The following SEC14L1 variants were observed in gnomAD, a reference collection of about 807,000 sequenced individuals.
SEC14L1 encodes SEC14-like protein 1.
A neutral mutation model predicts 85.3 loss-of-function variants in SEC14L1; 48 were observed. That is an observed-to-expected ratio of 0.56 (90% CI 0.45 to 0.72). The LOEUF is 0.72. SEC14L1 is among the 30% of genes least tolerant of loss of function. The pLI is 0.00. For synonymous variants in SEC14L1, 391 were observed against 355.5 expected, an observed-to-expected ratio of 1.10 and a Z score of -1.12; for missense variants, 682 against 921.4, an observed-to-expected ratio of 0.74 and a Z score of 3.36.
rs569424967 is a variant in SEC14L1, at chr17:77,184,119, C to T, written c.64-6684C>T. ...CCATGATTAGCTAAGGGTCAGCCAT[C>T]TTTGTCCTGAGGGCCGCAGAAGCCT... On this transcript the variant is annotated intron_variant, in intron 3 of 16. Coordinates refer to ENST00000436233, the MANE Select transcript of SEC14L1 (RefSeq NM_001143998.2). Among the ~76,000 whole-genome samples, 4 of 152,262 alleles carry T rather than the reference C, an allele frequency of 2.6e-5. No homozygotes were observed. In the South Asian group the frequency reaches 6.2e-4, roughly 24 times the overall value.
chr17:77,209,587 CTCTTTG>C, intron 14 of SEC14L1, 111 bp downstream of exon 14: 1 of 1,179,406 alleles, frequency 8.5e-7, no homozygotes, highest in Non-Finnish European at 1.2e-6. Context: ...CGTTTTTCTG[CTCTTTG>C]TCTTTAGGCT....
intron 3 of SEC14L1, chr17:77,152,720 A>G (rs922710002): frequency 6.6e-6 from 1 of 152,198 alleles, no homozygotes; most frequent in African/African-American, 2.4e-5. Flanking sequence ...ATCCCACCTA[A>G]CAAAAGTACT....
At chr17:77,153,110 C>T (rs1378537455) in intron 3 of SEC14L1, among the ~76,000 whole-genome samples, 1 of 152,194 alleles carries the variant, frequency 6.6e-6, no homozygotes, top group Non-Finnish European at 1.5e-5. Flanking sequence ...ACTCGTCACC[C>T]AGGCTGGAGT....
At chr17:77,152,200 T>A (rs530892533) in intron 3 of SEC14L1, among the ~76,000 whole-genome samples, 116 of 152,256 alleles carry the variant, frequency 7.6e-4, no homozygotes, top group Middle Eastern at 6.8e-3. Flanking sequence ...GGCAGACTTT[T>A]TTTTAAACCA....
At chr17:77,196,394 T>A in intron 8 of SEC14L1, 83 bp downstream of exon 8, 3 of 789,590 alleles carry the variant, frequency 3.8e-6, no homozygotes, top group Non-Finnish European at 6.2e-6. Context: ...TCACCAAGAG[T>A]GATATTCCCA....
At chr17:77,170,703 G>A (rs899191725) in intron 3 of SEC14L1, among the ~76,000 whole-genome samples, 10 of 152,128 alleles carry the variant, frequency 6.6e-5, no homozygotes, top group Non-Finnish European at 1.0e-4. Flanking sequence ...CGAGGTAGCT[G>A]GGTTTTTAAA....
At chr17:77,116,492 C>T (rs1190063994) in intron 3 of SEC14L1, among the ~76,000 whole-genome samples, 1 of 152,036 alleles carries the variant, frequency 6.6e-6, no homozygotes, top group African/African-American at 2.4e-5. Flanking sequence ...AAAGACCTTC[C>T]AGTTGGAAGA....
intron 13 of SEC14L1, among the ~76,000 whole-genome samples, chr17:77,207,483 G>A (rs904012922): frequency 6.6e-6 from 1 of 151,488 alleles, no homozygotes; most frequent in South Asian, 2.1e-4. Context: ...ATGGAGTCTT[G>A]CTCTGTTGCA....
intron 3 of SEC14L1, among the ~76,000 whole-genome samples, chr17:77,147,094 G>A (rs1351576146): frequency 6.6e-6 from 1 of 152,240 alleles, no homozygotes; most frequent in Non-Finnish European, 1.5e-5. Flanking sequence ...GGTGGCGGCA[G>A]GAGTGGCCGG....
rs528850454 is a variant in SEC14L1 at position 77,206,454 on chromosome 17, A to T, written c.1341+54A>T. 2 of 1,565,582 alleles carry T rather than the reference A, an allele frequency of 1.3e-6. No individual in the cohort carries two copies. The highest frequency in any genetic ancestry group is 2.3e-5 in the South Asian group (2 of 88,328). On this transcript the variant is annotated intron_variant, in intron 12 of 16. Coordinates refer to ENST00000436233, the MANE Select transcript of SEC14L1 (RefSeq NM_001143998.2). The surrounding 1 kb of genome is among the most constrained non-coding windows in gnomAD (Gnocchi z 4.3). ...GTGAGCCATTTGGAAAGCAGATAAC[A>T]TGCATTCATATACACGTGTCTGTGA...
At chr17:77,191,594 G>GTGC (rs1462299912) in intron 5 of SEC14L1, among the ~76,000 whole-genome samples, 1 of 152,036 alleles carries the variant, frequency 6.6e-6, no homozygotes, top group African/African-American at 2.4e-5. Flanking sequence ...CCAGGCCGGA[G>GTGC]TGCAGTGGTG....
chr17:77,190,526 A>C (rs1975474934), intron 3 of SEC14L1, among the ~76,000 whole-genome samples: 1 of 152,206 alleles, frequency 6.6e-6, no homozygotes, highest in South Asian at 2.1e-4. Flanking sequence ...AAATTTTAAA[A>C]CAATCTTGTC....
intron 3 of SEC14L1, among the ~76,000 whole-genome samples, chr17:77,179,282 G>A (rs1364440062): frequency 6.6e-6 from 1 of 152,162 alleles, no homozygotes; most frequent in Non-Finnish European, 1.5e-5. Context: ...ATTGAGAGAG[G>A]GGTGGTAAAA....
intron 1 of SEC14L1, among the ~76,000 whole-genome samples, 199 bp from the exon 2 acceptor site, chr17:77,142,447 A>G (rs1431640807): frequency 6.6e-6 from 1 of 151,572 alleles, no homozygotes; most frequent in Non-Finnish European, 1.5e-5. Flanking sequence ...GGTCCCAGCT[A>G]CTTGGGAGGC....
At chr17:77,173,068 T>A (rs1355623632) in intron 3 of SEC14L1, among the ~76,000 whole-genome samples, 1 of 152,058 alleles carries the variant, frequency 6.6e-6, no homozygotes, top group Non-Finnish European at 1.5e-5. Flanking sequence ...ATATCTGGGG[T>A]CTGAGAAATT....
intron 3 of SEC14L1, among the ~76,000 whole-genome samples, chr17:77,163,196 G>A (rs1054475168): frequency 2.0e-5 from 3 of 152,116 alleles, no homozygotes; most frequent in Non-Finnish European, 2.9e-5. Flanking sequence ...TGTGAAAATC[G>A]ATGATACGAA....
intron 3 of SEC14L1, among the ~76,000 whole-genome samples, chr17:77,161,947 T>A (rs1306892814): frequency 6.6e-6 from 1 of 150,494 alleles, no homozygotes; most frequent in South Asian, 2.1e-4. Flanking sequence ...TTTTTTTTTT[T>A]AAACAAACCC....
intron 1 of SEC14L1, among the ~76,000 whole-genome samples, chr17:77,142,300 CG>C (rs1278462559): frequency 1.3e-5 from 2 of 152,064 alleles, no homozygotes; most frequent in Non-Finnish European, 2.9e-5. Flanking sequence ...CTATACCAGG[CG>C]CCGTGACTCA....
chr17:77,160,328 C>T (rs996813927), intron 3 of SEC14L1, among the ~76,000 whole-genome samples: 1 of 152,202 alleles, frequency 6.6e-6, no homozygotes, highest in Admixed American at 6.5e-5. Context: ...TCTGCCAAGT[C>T]CAGGCGGATC....
Sources: gnomAD v4.1 joint callset for allele counts (sites outside exome capture counted in the v4.1 genomes callset) on GRCh38, gnomAD v4.1.1 for gene constraint, Gnocchi (gnomAD v3.1) non-coding constraint, MANE v1.5 for transcripts, NCBI Gene and HGNC (gene_info 2026-07-23, HGNC 2026-07-21) for gene names.